The following LIMS1 variants were observed in gnomAD, a reference collection of about 807,000 sequenced individuals.
The protein encoded by LIMS1 is LIM zinc finger domain containing 1.
Under a neutral mutation model 44.1 loss-of-function variants are expected in LIMS1, and 18 were observed. The observed-to-expected ratio is 0.41, with a 90% CI of 0.28 to 0.61. The LOEUF (loss-of-function observed/expected upper bound fraction) is 0.61. Among genes scored for constraint, LIMS1 ranks in the 20% least tolerant of loss-of-function variants. The probability of loss-of-function intolerance (pLI) is 0.32; values close to 1 mark genes in which losing one functional copy is unlikely to be tolerated. For synonymous variants in LIMS1, 93 were observed against 149.1 expected (o/e 0.62, Z 2.74); for missense variants, 201 against 422.0 (o/e 0.48, Z 4.59).
Position 108,588,974 on chromosome 2 carries a change from C to T in LIMS1, c.32+54380C>T, listed in dbSNP as rs569880134. 3.9e-5 allele frequency among the ~76,000 whole-genome samples: 6 copies of T among 152,300 alleles called. No homozygotes were observed. The South Asian group carries it at 1.0e-3, about 26-fold the overall frequency. On this transcript the variant is annotated intron_variant, in intron 1 of 9. Coordinates refer to ENST00000544547, the Ensembl canonical transcript of LIMS1. The stretch of plus-strand genomic sequence containing the variant: ...TTAGTGTCATATGGTTTATATCCTG[C>T]AGAGCCTTCTATAAAAGACCTTAGT...
intron 1 of LIMS1, among the ~76,000 whole-genome samples, chr2:108,591,541 C>G (rs1242435441): frequency 6.6e-6 from 1 of 152,124 alleles, no homozygotes; most frequent in African/African-American, 2.4e-5. Flanking sequence ...CTCACTGCAG[C>G]CTTGACCTCC....
At chr2:108,642,358 GTTTTTTGTTTTT>G (rs1689747028) in intron 1 of LIMS1, among the ~76,000 whole-genome samples, 1 of 18,462 alleles carries the variant, frequency 5.4e-5, no homozygotes, top group Non-Finnish European at 1.7e-4. Context: ...TTTTTTTTTT[GTTTTTTGTTTTT>G]TTTTTTTGAG....
intron 2 of LIMS1, among the ~76,000 whole-genome samples, chr2:108,668,063 T>C (rs1691909153): frequency 6.6e-6 from 1 of 152,154 alleles, no homozygotes; most frequent in East Asian, 1.9e-4. Flanking sequence ...TCATTTTGTT[T>C]TTTTGTTTCT....
intron 1 of LIMS1, among the ~76,000 whole-genome samples, chr2:108,589,552 A>G (rs759289537): frequency 1.7e-4 from 26 of 152,166 alleles, no homozygotes; most frequent in Non-Finnish European, 3.1e-4. Context: ...TCCTGCTAAC[A>G]TTGGGCCTAG....
intron 1 of LIMS1, among the ~76,000 whole-genome samples, chr2:108,634,833 C>T (rs1689126621): frequency 6.6e-6 from 1 of 152,212 alleles, no homozygotes; most frequent in Non-Finnish European, 1.5e-5. Flanking sequence ...AGCGACTGCC[C>T]AAGGAGCTGC....
chr2:108,572,695 C>T (rs1227655593), intron 1 of LIMS1, among the ~76,000 whole-genome samples: 2 of 152,116 alleles, frequency 1.3e-5, no homozygotes, highest in Non-Finnish European at 2.9e-5. Context: ...GACTCTTTTG[C>T]TCTTGATGTG....
intron 1 of LIMS1, among the ~76,000 whole-genome samples, chr2:108,591,801 G>T (rs3084163): frequency 0.023 from 1,521 of 65,966 alleles, 53 homozygotes; most frequent in East Asian, 0.12. Flanking sequence ...TTTTTTTTTT[G>T]TTTTTTTTTT....
chr2:108,682,388 T>C (rs1693063744), intron 9 of LIMS1, among the ~76,000 whole-genome samples: 1 of 152,044 alleles, frequency 6.6e-6, no homozygotes, highest in Non-Finnish European at 1.5e-5. Context: ...TAATCCCAGA[T>C]ACTCGCGAGG....
At chr2:108,612,007 C>CATATATTATATATACACACAT (rs1553459840) in intron 1 of LIMS1, among the ~76,000 whole-genome samples, 28 of 57,316 alleles carry the variant, frequency 4.9e-4, no homozygotes, top group Non-Finnish European at 9.1e-4. Context: ...TATATACACA[C>CATATATTATATATACACACAT]ATATATATAT....
chr2:108,671,543 AGTGAT>A (rs2148996401), intron 3 of LIMS1, among the ~76,000 whole-genome samples: 1 of 152,332 alleles, frequency 6.6e-6, no homozygotes, highest in South Asian at 2.1e-4. Flanking sequence ...ACGGCGCATA[AGTGAT>A]GGACTTGCTT....
At chr2:108,555,101 C>CT (rs1199519405) in intron 1 of LIMS1, among the ~76,000 whole-genome samples, 8 of 152,194 alleles carry the variant, frequency 5.3e-5, no homozygotes, top group Non-Finnish European at 1.2e-4. Context: ...AGAATCCATT[C>CT]TTTAAGTAGG....
chr2:108,562,099 C>T (rs189612271), intron 1 of LIMS1, among the ~76,000 whole-genome samples: 1 of 152,118 alleles, frequency 6.6e-6, no homozygotes, highest in Non-Finnish European at 1.5e-5. Flanking sequence ...CACAAAAATG[C>T]ACCCAAATAA....
chr2:108,546,733 C>T (rs1227806293), intron 1 of LIMS1, among the ~76,000 whole-genome samples: 1 of 149,560 alleles, frequency 6.7e-6, no homozygotes, highest in Non-Finnish European at 1.5e-5. Context: ...AAATATCATA[C>T]AGACTTTGAA....
At position 108,551,953 on chromosome 2, in the gene LIMS1, G is replaced by GTATATA. The variant is rs10598934; in HGVS notation, c.32+17373_32+17378dup. Among the ~76,000 whole-genome samples the GTATATA allele has an allele frequency of 3.1e-3, 264 of 85,318 alleles. 2 individuals carry two copies. The highest frequency in any genetic ancestry group is 0.018 in the Middle Eastern group (3 of 166). The allele number at this position is 85,318 out of a possible 152,430, so 56.0% of individuals were successfully genotyped here. ...TATGTGTGTGTGTGTGTGTGTGTGT[G>GTATATA]TATATATATATATATATATGTATAT... On this transcript the variant is annotated intron_variant, in intron 1 of 9. Coordinates refer to ENST00000544547, the Ensembl canonical transcript of LIMS1.
intron 1 of LIMS1, among the ~76,000 whole-genome samples, chr2:108,585,257 G>C (rs942991990): frequency 4.6e-5 from 7 of 151,988 alleles, no homozygotes; most frequent in Non-Finnish European, 1.5e-5. Context: ...AAGCAGGGTA[G>C]TGATAGCAGG....
chr2:108,637,097 ATATGTG>A (rs200192244), intron 1 of LIMS1, among the ~76,000 whole-genome samples: 31,902 of 131,898 alleles, frequency 0.24, 4,189 homozygotes, highest in East Asian at 0.58. Flanking sequence ...AAATATACAT[ATATGTG>A]TGTGTGTGTG....
chr2:108,551,815 A>G (rs140353489), intron 1 of LIMS1, among the ~76,000 whole-genome samples: 3 of 146,600 alleles, frequency 2.0e-5, no homozygotes, highest in Admixed American at 6.9e-5. Flanking sequence ...TGTATATGAT[A>G]TACAATATAC....
chr2:108,598,481 C>A (rs1248996636), intron 1 of LIMS1, among the ~76,000 whole-genome samples: 1 of 152,164 alleles, frequency 6.6e-6, no homozygotes, highest in East Asian at 1.9e-4. Context: ...GGATGGTTAG[C>A]TTTGCAGATA....
chr2:108,621,458 T>C (rs1047205635), intron 1 of LIMS1: 18 of 1,549,852 alleles, frequency 1.2e-5, no homozygotes, highest in Non-Finnish European at 1.6e-5. Flanking sequence ...GAGGAAGAGC[T>C]AAGGTGAGTG....
Sources: allele counts gnomAD v4.1 joint callset (sites outside exome capture counted in the v4.1 genomes callset), GRCh38; gene constraint gnomAD v4.1.1; transcripts MANE v1.5; gene names NCBI Gene and HGNC (gene_info 2026-07-23, HGNC 2026-07-21).